NDST4: variants seen among roughly 807,000 people sequenced by gnomAD.
The protein encoded by NDST4 is N-deacetylase and N-sulfotransferase 4, also known as N-heparan sulfate sulfotransferase 4.
Under a neutral mutation model 100.8 loss-of-function variants are expected in NDST4, and 63 were observed. The ratio of observed to expected loss-of-function variants is 0.62; its 90% CI spans 0.51 to 0.77. The LOEUF is 0.77. NDST4 is among the 30% of genes least tolerant of loss of function. The pLI, the probability that NDST4 is intolerant of heterozygous loss-of-function variation, is 0.00. For synonymous variants in NDST4, 377 were observed against 361.8 expected, an observed-to-expected ratio of 1.04 and a Z score of -0.48; for missense variants, 943 against 1,018.4, an observed-to-expected ratio of 0.93 and a Z score of 1.01.
At chr4:115,077,439 A>T (rs931041400) in intron 1 of NDST4, among the ~76,000 whole-genome samples, 157 bp from the exon 2 acceptor site, 4 of 152,192 alleles carry the variant, frequency 2.6e-5, no homozygotes, top group African/African-American at 9.6e-5. Flanking sequence ...GTCTAGACTT[A>T]ACTACCTAGA....
At chr4:114,908,677 G>T (rs1343150334) in intron 6 of NDST4, among the ~76,000 whole-genome samples, 1 of 152,120 alleles carries the variant, frequency 6.6e-6, no homozygotes, top group African/African-American at 2.4e-5. Flanking sequence ...TTCCTCGCTT[G>T]TCTCAGAAAG....
At chr4:114,981,013 G>T (rs1179135914) in intron 2 of NDST4, among the ~76,000 whole-genome samples, 1 of 151,532 alleles carries the variant, frequency 6.6e-6, no homozygotes, top group Admixed American at 6.6e-5. Flanking sequence ...AAGAGTCAAA[G>T]CCAGCCTGGG....
chr4:115,085,276 T>C (rs530934), intron 1 of NDST4, among the ~76,000 whole-genome samples: 113,534 of 152,106 alleles, frequency 0.75, 43,604 homozygotes, highest in African/African-American at 0.93. Flanking sequence ...TAGGAAGTAC[T>C]TAACTTACTT....
At chr4:115,099,552 A>T (rs1729688948) in intron 1 of NDST4, among the ~76,000 whole-genome samples, 1 of 152,184 alleles carries the variant, frequency 6.6e-6, no homozygotes, top group Non-Finnish European at 1.5e-5. Flanking sequence ...GCCATTTAGG[A>T]TATGAGAAGA....
At chr4:114,861,106 A>G (rs2126192681) in intron 7 of NDST4, among the ~76,000 whole-genome samples, 1 of 152,296 alleles carries the variant, frequency 6.6e-6, no homozygotes, top group East Asian at 1.9e-4. Context: ...TTGTACCCTA[A>G]TCATTGAATT....
chr4:114,895,359 C>T (rs1724691853), intron 6 of NDST4, among the ~76,000 whole-genome samples: 1 of 152,186 alleles, frequency 6.6e-6, no homozygotes, highest in African/African-American at 2.4e-5. Flanking sequence ...ATAAACACAT[C>T]TATGCAAATA....
chr4:114,921,053 C>T (rs747846875), intron 6 of NDST4, among the ~76,000 whole-genome samples: 5 of 152,094 alleles, frequency 3.3e-5, no homozygotes, highest in Non-Finnish European at 7.4e-5. Context: ...AAACTTCTGC[C>T]ACAGTCAGTG....
chr4:115,026,430 TACACAC>T (rs57524504), intron 2 of NDST4, among the ~76,000 whole-genome samples: 7 of 148,542 alleles, frequency 4.7e-5, no homozygotes, highest in African/African-American at 9.8e-5. Flanking sequence ...TTTTTTAAAG[TACACAC>T]ACACACACAC....
rs1316518898 is a variant in NDST4, at chr4:115,077,489, C to A, written c.-246-207G>T. Among the ~76,000 whole-genome samples the A allele has an allele frequency of 2.0e-5, 3 of 152,068 alleles. No individual in the cohort carries two copies. In the East Asian group the frequency reaches 5.8e-4, roughly 29 times the overall value. The stretch of plus-strand genomic sequence containing the variant: ...TTGATAACCTCCAGAACACAGAACC[C>A]AATTTTATTTTGGCCTAAACATCCA... On this transcript the variant is annotated intron_variant, in intron 1 of 13. Coordinates refer to ENST00000264363, the MANE Select transcript of NDST4 (RefSeq NM_022569.3).
At chr4:114,990,827 C>T (rs914676295) in intron 2 of NDST4, among the ~76,000 whole-genome samples, 3 of 152,082 alleles carry the variant, frequency 2.0e-5, no homozygotes, top group Admixed American at 6.6e-5. Context: ...ACATCATTGA[C>T]AGTAAACATT....
At chr4:115,066,114 G>A (rs901412051) in intron 2 of NDST4, among the ~76,000 whole-genome samples, 4 of 152,128 alleles carry the variant, frequency 2.6e-5, no homozygotes, top group African/African-American at 9.7e-5. Context: ...GCCTTGTAAT[G>A]CAGATAACTG....
At chr4:114,836,245 A>G (rs4361406) in intron 11 of NDST4, among the ~76,000 whole-genome samples, 109,257 of 152,102 alleles carry the variant, frequency 0.72, 40,138 homozygotes, top group African/African-American at 0.86. Context: ...TGCAGGGTTG[A>G]TGCAGGTTTT....
chr4:114,992,068 T>A (rs765384470), intron 2 of NDST4, among the ~76,000 whole-genome samples: 5 of 151,966 alleles, frequency 3.3e-5, no homozygotes, highest in Non-Finnish European at 5.9e-5. Flanking sequence ...GAATACTTAT[T>A]GCATTATATG....
At chr4:114,981,013 G>A (rs1179135914) in intron 2 of NDST4, among the ~76,000 whole-genome samples, 1 of 151,532 alleles carries the variant, frequency 6.6e-6, no homozygotes, top group Non-Finnish European at 1.5e-5. Context: ...AAGAGTCAAA[G>A]CCAGCCTGGG....
chr4:114,944,718 C>T (rs1244458046), intron 4 of NDST4, among the ~76,000 whole-genome samples: 1 of 152,098 alleles, frequency 6.6e-6, no homozygotes, highest in Non-Finnish European at 1.5e-5. Flanking sequence ...TATCACAGCA[C>T]CTTGGTGCCA....
chr4:114,862,612 A>C (rs1723941507), intron 7 of NDST4, among the ~76,000 whole-genome samples: 1 of 152,114 alleles, frequency 6.6e-6, no homozygotes, highest in South Asian at 2.1e-4. Flanking sequence ...TCGGCCACTT[A>C]TCTTCTTTAT....
chr4:115,045,932 A>G (rs2126276506), intron 2 of NDST4, among the ~76,000 whole-genome samples: 1 of 152,248 alleles, frequency 6.6e-6, no homozygotes, highest in South Asian at 2.1e-4. Flanking sequence ...GAATAGTTGT[A>G]GTGGATCTGG....
intron 4 of NDST4, among the ~76,000 whole-genome samples, chr4:114,944,669 T>G (rs556194381): frequency 1.3e-5 from 2 of 152,294 alleles, no homozygotes; most frequent in East Asian, 3.9e-4. Context: ...GGGGACAGAT[T>G]TTCTTGAAAG....
chr4:114,829,058 T>C (rs967978968), intron 13 of NDST4, among the ~76,000 whole-genome samples: 4 of 152,170 alleles, frequency 2.6e-5, no homozygotes, highest in African/African-American at 7.2e-5. Context: ...TTTGAAGTTA[T>C]TGAGTTCAAA....
Sources: allele counts gnomAD v4.1 joint callset (sites outside exome capture counted in the v4.1 genomes callset), GRCh38; gene constraint gnomAD v4.1.1; transcripts MANE v1.5; gene names NCBI Gene and HGNC (gene_info 2026-07-23, HGNC 2026-07-21).